The following OPRM1 variants were observed in gnomAD, a reference collection of about 807,000 sequenced individuals.
OPRM1 encodes opioid receptor mu 1, also known as mu-type opioid receptor.
In OPRM1, 27 loss-of-function variants were observed where a neutral mutation model predicts 31.8. That is an observed-to-expected ratio of 0.85 (90% confidence interval 0.63 to 1.17). The LOEUF is 1.17. Ranked by LOEUF, OPRM1 falls within the 50% of genes most tolerant of loss-of-function variation. OPRM1 has a pLI of 0.00. For synonymous variants in OPRM1, 196 were observed against 189.9 expected, an observed-to-expected ratio of 1.03 and a Z score of -0.26; for missense variants, 536 against 511.1, an observed-to-expected ratio of 1.05 and a Z score of -0.47.
intron 1 of OPRM1, among the ~76,000 whole-genome samples, chr6:154,014,582 T>TA (rs111498837): frequency 0.034 from 5,020 of 148,696 alleles, 221 homozygotes; most frequent in African/African-American, 0.11. Flanking sequence ...TGAATTTAGA[T>TA]AAAAAAAAAA....
At chr6:154,193,166 A>G (rs1374906616) in intron 3 of OPRM1, among the ~76,000 whole-genome samples, 1 of 152,210 alleles carries the variant, frequency 6.6e-6, no homozygotes, top group Non-Finnish European at 1.5e-5. Flanking sequence ...GTACATATAT[A>G]CCATAGAATA....
At chr6:154,198,752 A>G (rs1256766632) in intron 3 of OPRM1, among the ~76,000 whole-genome samples, 2 of 152,166 alleles carry the variant, frequency 1.3e-5, no homozygotes, top group Non-Finnish European at 2.9e-5. Context: ...TTGAGAACTT[A>G]AAGAAACATT....
intron 3 of OPRM1, among the ~76,000 whole-genome samples, chr6:154,236,350 C>T (rs897757201): frequency 5.3e-5 from 8 of 152,088 alleles, no homozygotes; most frequent in Admixed American, 2.0e-4. Context: ...TAGTCAAATT[C>T]GTAGAGACAG....
intron 3 of OPRM1, 104 bp downstream of exon 3, chr6:154,091,576 AG>A: frequency 6.9e-7 from 1 of 1,457,584 alleles, no homozygotes; most frequent in South Asian, 1.5e-5. Flanking sequence ...ATGAGAATGG[AG>A]GGAAGAGGGG....
intron 3 of OPRM1, among the ~76,000 whole-genome samples, chr6:154,166,766 C>T (rs1208946831): frequency 6.6e-6 from 1 of 152,162 alleles, no homozygotes; most frequent in African/African-American, 2.4e-5. Flanking sequence ...TATCAGCTAT[C>T]ACAGACAAAG....
At chr6:154,165,187 T>C (rs1799327220) in intron 3 of OPRM1, among the ~76,000 whole-genome samples, 1 of 152,130 alleles carries the variant, frequency 6.6e-6, no homozygotes, top group African/African-American at 2.4e-5. Flanking sequence ...ATAGAAAAAT[T>C]GTGCTTAAAG....
intron 3 of OPRM1, chr6:154,108,698 G>T: frequency 2.8e-6 from 2 of 719,046 alleles, no homozygotes; most frequent in Non-Finnish European, 3.4e-6. Flanking sequence ...TTAACGAGAG[G>T]GGTCTCTAAC....
chr6:154,049,260 A>G (rs1293924442), intron 1 of OPRM1, among the ~76,000 whole-genome samples: 1 of 152,180 alleles, frequency 6.6e-6, no homozygotes, highest in East Asian at 1.9e-4. Flanking sequence ...AGACCATTTT[A>G]AACAGTGAAG....
chr6:154,056,109 CTTTTCTTTTCTT>C (rs1310989841), intron 1 of OPRM1, among the ~76,000 whole-genome samples: 1 of 151,422 alleles, frequency 6.6e-6, no homozygotes, highest in Non-Finnish European at 1.5e-5. Flanking sequence ...CTTTTCTTTT[CTTTTCTTTTCTT>C]TTTTCTTTTT....
chr6:154,054,836 A>G (rs189492116), intron 1 of OPRM1, among the ~76,000 whole-genome samples: 1 of 152,210 alleles, frequency 6.6e-6, no homozygotes, highest in Admixed American at 6.5e-5. Flanking sequence ...CCTGTATCAA[A>G]ACATCTCATA....
chr6:154,085,084 G>A (rs891750667), intron 1 of OPRM1, among the ~76,000 whole-genome samples: 3 of 152,176 alleles, frequency 2.0e-5, no homozygotes, highest in Non-Finnish European at 4.4e-5. Flanking sequence ...CCCATCAGGT[G>A]TACAGAGGTA....
At chr6:154,190,682 T>C (rs1205295030) in intron 3 of OPRM1, among the ~76,000 whole-genome samples, 1 of 152,182 alleles carries the variant, frequency 6.6e-6, no homozygotes, top group Non-Finnish European at 1.5e-5. Context: ...AGTTGAAAAC[T>C]TGCATCCATG....
At chr6:154,214,161 G>T in intron 3 of OPRM1, 3 of 1,122,784 alleles carry the variant, frequency 2.7e-6, no homozygotes, top group Non-Finnish European at 2.7e-6. Flanking sequence ...TTTTCACCCT[G>T]TTTCAACCTG....
At chr6:154,134,550 C>T (rs767924946), downstream of OPRM1, among the ~76,000 whole-genome samples, 13 of 152,206 alleles carry the variant, frequency 8.5e-5, no homozygotes, top group South Asian at 8.3e-4. Context: ...ATCCCCAGGC[C>T]GAGGCAGGGA....
rs1797408795 is a variant in OPRM1, at chr6:154,123,402, G to C, written c.*4681G>C. 1.3e-5 allele frequency among the ~76,000 whole-genome samples: 2 copies of C among 152,298 alleles called. No individual in the cohort carries two copies. The highest frequency in any genetic ancestry group is 4.1e-4 in the South Asian group (2 of 4,826). ...TCTAACAGTGCAGCAGTTATAGTCT[G>C]AGTTTTCTCCAGGCTGCTCCATTTT... On this transcript the variant is annotated 3_prime_UTR_variant, in exon 4 of 4. Transcript: ENST00000330432.
chr6:154,091,895 G>A, intron 3 of OPRM1: 1 of 990,704 alleles, frequency 1.0e-6, no homozygotes, highest in Non-Finnish European at 1.2e-6. Context: ...ATTAAAGAGA[G>A]AGGGTGAGTG....
chr6:154,195,147 CTT>C (rs10719288), intron 3 of OPRM1, among the ~76,000 whole-genome samples: 82 of 122,864 alleles, frequency 6.7e-4, no homozygotes, highest in East Asian at 1.6e-3. Flanking sequence ...TCTTTTCTTT[CTT>C]TTTTTTTTTT....
Position 154,090,085 on chromosome 6 carries a change from C to G in OPRM1, c.550C>G (p.Arg184Gly). 6.2e-7 allele frequency: 1 copy of G among 1,614,098 alleles called. No individual in the cohort carries two copies. The highest frequency in any genetic ancestry group is 8.5e-7 in the Non-Finnish European group (1 of 1,179,976). ...CAAGGCCTTAGATTTCCGTACTCCC[C>G]GAAATGCCAAAATTATCAATGTCTG... ...PVKALDFRTP[R>G]NAKIINVCNW... is the part of the protein sequence containing the mutation. Residue 184 changes from arginine (R) to glycine (G), a missense_variant, in exon 2 of 4, where the codon CGA (arginine) becomes GGA (glycine). Physicochemically the swap from Arg to Gly is moderately radical, Grantham distance 125. Transcript: ENST00000330432.
chr6:154,239,265 A>G (rs1227921235), intron 3 of OPRM1, among the ~76,000 whole-genome samples: 2 of 152,210 alleles, frequency 1.3e-5, no homozygotes, highest in Admixed American at 6.5e-5. Context: ...GCCCATCCCA[A>G]CTACAGATAA....
Sources: gnomAD v4.1 joint callset for allele counts (sites outside exome capture counted in the v4.1 genomes callset) on GRCh38, gnomAD v4.1.1 for gene constraint, MANE v1.5 for transcripts, NCBI Gene and HGNC (gene_info 2026-07-23, HGNC 2026-07-21) for gene names.